The following PCDH15 variants were observed in gnomAD, a reference collection of about 807,000 sequenced individuals.
The protein encoded by PCDH15 is protocadherin related 15.
Under a neutral mutation model 178.5 loss-of-function variants are expected in PCDH15, and 129 were observed. The observed-to-expected ratio is 0.72, with a 90% CI of 0.63 to 0.84. PCDH15 has a LOEUF of 0.84. Among genes scored for constraint, PCDH15 ranks in the 40% least tolerant of loss-of-function variants. The probability of loss-of-function intolerance (pLI) is 0.00; values close to 1 mark genes in which losing one functional copy is unlikely to be tolerated. For synonymous variants in PCDH15, 800 were observed against 732.0 expected (o/e 1.09, Z -1.50); for missense variants, 2,230 against 2,099.9 (o/e 1.06, Z -1.21).
intron 26 of PCDH15, among the ~76,000 whole-genome samples, chr10:53,887,607 G>C (rs2081186152): frequency 6.6e-6 from 1 of 152,174 alleles, no homozygotes; most frequent in Non-Finnish European, 1.5e-5. Flanking sequence ...TCATTAAACA[G>C]GTCGGGCACG....
chr10:55,454,981 T>C (rs886891331), intron 2 of PCDH15, among the ~76,000 whole-genome samples: 2 of 152,076 alleles, frequency 1.3e-5, no homozygotes, highest in Non-Finnish European at 2.9e-5. Context: ...GTATACAATG[T>C]ATATATGCAT....
Position 54,665,953 on chromosome 10 carries a change from C to CT in PCDH15, c.-28-1664dup, listed in dbSNP as rs745396112. On this transcript the variant is annotated intron_variant, in intron 1 of 37. Transcript: ENST00000644397. ...TGTAGAGCAGCGGATAAGAATGTGGCTTTTTTTTTAAATTCAAGCTTTTCA... is the reference window on the plus strand; with the variant it reads ...TGTAGAGCAGCGGATAAGAATGTGGCTTTTTTTTTTAAATTCAAGCTTTTCA... 2.8e-3 allele frequency among the ~76,000 whole-genome samples: 428 copies of CT among 150,546 alleles called. 2 individuals carry two copies. Among genetic ancestry groups the CT allele is most frequent in the Non-Finnish European group, 3.7e-3 (247 of 67,500 alleles).
At chr10:55,366,648 T>C (rs180871654) in intron 2 of PCDH15, among the ~76,000 whole-genome samples, 242 of 152,270 alleles carry the variant, frequency 1.6e-3, no homozygotes, top group African/African-American at 5.5e-3. Flanking sequence ...TTAGGATGCA[T>C]AGACAATTAA....
chr10:54,529,217 T>C (rs1332368542), intron 2 of PCDH15, among the ~76,000 whole-genome samples: 1 of 152,036 alleles, frequency 6.6e-6, no homozygotes, highest in East Asian at 1.9e-4. Context: ...ATTTTCTCTC[T>C]TTACACTTGT....
Position 55,072,098 on chromosome 10 carries a change from A to C in PCDH15, c.-80+94478T>G, listed in dbSNP as rs543990866. On this transcript the variant is annotated intron_variant, in intron 2 of 5. Transcript: ENST00000458638. Reference sequence around the variant, plus strand: ...GAATCTCTGGAACACATTCAAAACAATGTGTAGAGGGAAATTTATAGCACT... The same window carrying C: ...GAATCTCTGGAACACATTCAAAACACTGTGTAGAGGGAAATTTATAGCACT... 7.9e-5 allele frequency among the ~76,000 whole-genome samples: 12 copies of C among 152,210 alleles called. 1 individual carries two copies. In the South Asian group the frequency reaches 1.2e-3, roughly 16 times the overall value.
intron 2 of PCDH15, among the ~76,000 whole-genome samples, chr10:55,331,361 T>G (rs60237161): frequency 0.011 from 1,638 of 152,138 alleles, 35 homozygotes; most frequent in African/African-American, 0.037. Context: ...GGATCAACTT[T>G]TGTCTTATCA....
At chr10:54,418,494 C>A (rs1954777486) in intron 3 of PCDH15, among the ~76,000 whole-genome samples, 1 of 151,724 alleles carries the variant, frequency 6.6e-6, no homozygotes, top group South Asian at 2.1e-4. Flanking sequence ...CTCTAATCTA[C>A]TCTTATCTAA....
At chr10:54,172,158 T>C (rs1260270705) in intron 13 of PCDH15, among the ~76,000 whole-genome samples, 1 of 152,090 alleles carries the variant, frequency 6.6e-6, no homozygotes, top group Non-Finnish European at 1.5e-5. Context: ...AAGAAGTGAA[T>C]ATGCCCTGCC....
intron 2 of PCDH15, among the ~76,000 whole-genome samples, chr10:54,657,303 G>A (rs539688990): frequency 1.9e-4 from 29 of 152,230 alleles, no homozygotes; most frequent in East Asian, 3.9e-4. Flanking sequence ...GGCCTCCAAC[G>A]CTCTTCCATT....
intron 21 of PCDH15, among the ~76,000 whole-genome samples, chr10:53,980,878 G>T (rs1178233208): frequency 1.3e-5 from 2 of 152,126 alleles, no homozygotes; most frequent in African/African-American, 4.8e-5. Context: ...TTTGGTTCAT[G>T]ATTTAGGTAT....
chr10:54,878,896 T>G (rs1296355989), intron 3 of PCDH15, among the ~76,000 whole-genome samples: 1 of 152,146 alleles, frequency 6.6e-6, no homozygotes, highest in Non-Finnish European at 1.5e-5. Context: ...AGTTCAGCTC[T>G]CACTTATATG....
chr10:54,687,368 T>C (rs1362324080), intron 1 of PCDH15, among the ~76,000 whole-genome samples: 1 of 152,150 alleles, frequency 6.6e-6, no homozygotes, highest in Non-Finnish European at 1.5e-5. Flanking sequence ...ACTCTTATGC[T>C]CATTGCGACT....
At chr10:55,337,780 A>G (rs1245675540) in intron 2 of PCDH15, among the ~76,000 whole-genome samples, 2 of 152,188 alleles carry the variant, frequency 1.3e-5, no homozygotes, top group African/African-American at 2.4e-5. Flanking sequence ...CACATTTTCC[A>G]TAAATGAAAA....
chr10:54,046,350 A>T (rs1388578930), intron 18 of PCDH15, among the ~76,000 whole-genome samples: 3 of 152,238 alleles, frequency 2.0e-5, no homozygotes, highest in Non-Finnish European at 4.4e-5. Flanking sequence ...ACATATTCAC[A>T]GCAGCACTGA....
chr10:55,598,853 G>A (rs1842999541), intron 2 of PCDH15, among the ~76,000 whole-genome samples: 1 of 151,924 alleles, frequency 6.6e-6, no homozygotes, highest in Non-Finnish European at 1.5e-5. Flanking sequence ...GTACTGGAAA[G>A]TGCACCTGGA....
upstream of PCDH15, among the ~76,000 whole-genome samples, chr10:55,320,553 T>A (rs1158707110): frequency 6.6e-6 from 1 of 152,192 alleles, no homozygotes; most frequent in Admixed American, 6.5e-5. Flanking sequence ...ATTGGAATAC[T>A]GTGATCAGCA....
At chr10:54,850,468 G>T (rs1254898002) in intron 3 of PCDH15, among the ~76,000 whole-genome samples, 1 of 151,942 alleles carries the variant, frequency 6.6e-6, no homozygotes, top group Non-Finnish European at 1.5e-5. Flanking sequence ...AGTCTGCAAA[G>T]TCCATTGTAT....
chr10:54,897,425 G>A (rs1954564332), intron 3 of PCDH15: 2 of 152,062 alleles, frequency 1.3e-5, no homozygotes, highest in South Asian at 2.1e-4. Flanking sequence ...ACATATACTT[G>A]AATATTAAAT....
intron 32 of PCDH15, chr10:53,821,060 T>A: frequency 1.1e-6 from 1 of 950,846 alleles, no homozygotes; most frequent in Non-Finnish European, 1.3e-6. Flanking sequence ...AACAGCACTT[T>A]TTAAGCATCT....
Sources: gnomAD v4.1 joint callset for allele counts (sites outside exome capture counted in the v4.1 genomes callset) on GRCh38, gnomAD v4.1.1 for gene constraint, MANE v1.5 for transcripts, NCBI Gene and HGNC (gene_info 2026-07-23, HGNC 2026-07-21) for gene names.